The following RAC2 variants were observed in gnomAD, a reference collection of about 807,000 sequenced individuals.
RAC2 encodes the protein ras-related C3 botulinum toxin substrate 2.
RAC2 carries 1 observed loss-of-function variant against 24.0 expected under a neutral mutation model. The ratio of observed to expected loss-of-function variants is 0.04; its 90% CI spans 0.01 to 0.20. The LOEUF (loss-of-function observed/expected upper bound fraction) is 0.20. Ranked by LOEUF, RAC2 falls within the 10% of genes least tolerant of loss-of-function variation. The probability of loss-of-function intolerance (pLI) is 1.00; values close to 1 mark genes in which losing one functional copy is unlikely to be tolerated. For missense variants in RAC2, 130 were observed against 259.1 expected (o/e 0.50, Z 3.42); for synonymous variants, 114 against 106.8 (o/e 1.07, Z -0.41).
At chr22:37,238,611 C>T (rs186422084) in intron 2 of RAC2, among the ~76,000 whole-genome samples, 6 of 152,296 alleles carry the variant, frequency 3.9e-5, no homozygotes, top group South Asian at 2.1e-4. Flanking sequence ...TGTAAGGGGG[C>T]GCCCCTCTAT....
At chr22:37,228,732 C>T (rs1298546823) in intron 5 of RAC2, among the ~76,000 whole-genome samples, 3 of 152,226 alleles carry the variant, frequency 2.0e-5, no homozygotes, top group South Asian at 4.2e-4. Flanking sequence ...GGGGAGAAGT[C>T]GGGATGGCAG....
chr22:37,233,642 C>T (rs1034276020), intron 2 of RAC2, among the ~76,000 whole-genome samples: 3 of 152,146 alleles, frequency 2.0e-5, no homozygotes, highest in Admixed American at 6.5e-5. Flanking sequence ...CAGAAGCAAA[C>T]CCTGAGACAA....
intron 5 of RAC2, among the ~76,000 whole-genome samples, chr22:37,229,736 A>G (rs1411990172): frequency 1.3e-5 from 2 of 152,238 alleles, no homozygotes; most frequent in Non-Finnish European, 2.9e-5. Flanking sequence ...CTAGAGGCCA[A>G]GGCAAGAACT....
In RAC2 at chr22:37,225,396, C is replaced by T. The variant is rs1424470917; in HGVS notation, c.*646G>A. The stretch of plus-strand genomic sequence containing the variant: ...TCACAGGTAAGTGCAGCTCAGGATC[C>T]TGTGAGTGCAGCAGAAAGTCTTAAG... On this transcript the variant is annotated 3_prime_UTR_variant, in exon 7 of 7. Coordinates refer to ENST00000249071, the MANE Select transcript of RAC2 (RefSeq NM_002872.5). The T allele has an allele frequency of 6.6e-6, 1 of 152,214 alleles. No homozygotes were observed. The highest frequency in any genetic ancestry group is 1.5e-5 in the Non-Finnish European group (1 of 68,050). The allele number at this position is 152,214 out of a possible 1,614,324, so 9.4% of individuals were successfully genotyped here. A position where few individuals can be genotyped will look rare whatever the true frequency, so the allele number is the denominator to read the frequency against.
intron 5 of RAC2, among the ~76,000 whole-genome samples, chr22:37,227,514 TACACCCCTCCCAC>T (rs1926910284): frequency 4.7e-5 from 2 of 42,284 alleles, no homozygotes; most frequent in East Asian, 9.5e-4. Flanking sequence ...TCCCATGCCA[TACACCCCTCCCAC>T]GCCATACACC....
At chr22:37,227,519 C>G (rs1601669231) in intron 5 of RAC2, among the ~76,000 whole-genome samples, 23 of 84,998 alleles carry the variant, frequency 2.7e-4, no homozygotes, top group African/African-American at 4.3e-4. Context: ...TGCCATACAC[C>G]CCTCCCACGC....
intron 2 of RAC2, among the ~76,000 whole-genome samples, chr22:37,240,111 C>T (rs1206276557): frequency 9.9e-5 from 15 of 152,096 alleles, no homozygotes; most frequent in African/African-American, 2.4e-5. Flanking sequence ...CAGAGTGTCC[C>T]GGGGAGAGAC....
At chr22:37,239,991 G>A (rs1235068561) in intron 2 of RAC2, among the ~76,000 whole-genome samples, 2 of 152,190 alleles carry the variant, frequency 1.3e-5, no homozygotes, top group African/African-American at 4.8e-5. Flanking sequence ...CCAGCATCAG[G>A]ACCGAGCTGG....
At chr22:37,234,754 GC>G (rs1394653995) in intron 2 of RAC2, among the ~76,000 whole-genome samples, 11 of 152,098 alleles carry the variant, frequency 7.2e-5, no homozygotes, top group Non-Finnish European at 1.5e-4. Flanking sequence ...CTGGTCTCTG[GC>G]CCCCACACCC....
Position 37,232,091 on chromosome 22 carries a change from G to A in RAC2, c.226-97C>T, listed in dbSNP as rs1927083908. 3.2e-6 allele frequency: 4 copies of A among 1,256,130 alleles called. No individual in the cohort carries two copies. The East Asian group carries it at 1.0e-4, about 32-fold the overall frequency. The allele number at this position is 1,256,130 out of a possible 1,614,324, so 77.8% of individuals were successfully genotyped here. A position where few individuals can be genotyped will look rare whatever the true frequency, so the allele number is the denominator to read the frequency against. On this transcript the variant is annotated intron_variant, in intron 3 of 6. Transcript: ENST00000249071. ...GTGGAGCTTGGGGCTCCCTGAGGGTGGAACACCCCAGGGAATGCTGGGGAC... is the reference window on the plus strand; with the variant it reads ...GTGGAGCTTGGGGCTCCCTGAGGGTAGAACACCCCAGGGAATGCTGGGGAC...
At chr22:37,230,235 C>T (rs1927016521) in intron 5 of RAC2, among the ~76,000 whole-genome samples, 1 of 151,270 alleles carries the variant, frequency 6.6e-6, no homozygotes, top group Non-Finnish European at 1.5e-5. Flanking sequence ...GATGTGAGTC[C>T]CCAGGGCCCT....
rs761129081 is a variant in RAC2 at position 37,242,923 on chromosome 22, AG to A, written c.35+1190del. On this transcript the variant is annotated intron_variant, in intron 1 of 6. Transcript: ENST00000249071. ...CCCCCTTCCAGCTAGAACATGCTCCAGGGTGAGCCTGTAGGCTGGACCCTAA... is the reference window on the plus strand; with the variant it reads ...CCCCCTTCCAGCTAGAACATGCTCCAGGTGAGCCTGTAGGCTGGACCCTAA... Among the ~76,000 whole-genome samples the A allele has an allele frequency of 1.6e-4, 24 of 152,358 alleles. No homozygotes were observed. In the East Asian group the frequency reaches 4.4e-3, roughly 28 times the overall value.
chr22:37,232,503 C>T, intron 3 of RAC2: 1 of 484,728 alleles, frequency 2.1e-6, no homozygotes, highest in Non-Finnish European at 3.8e-6. Flanking sequence ...GCTGGGCTGC[C>T]TCCTGGGGCC....
chr22:37,238,758 T>C (rs1010171214), intron 2 of RAC2, among the ~76,000 whole-genome samples: 6 of 152,198 alleles, frequency 3.9e-5, no homozygotes, highest in Non-Finnish European at 8.8e-5. Flanking sequence ...CACAGGGCCC[T>C]GCCGGCTCCA....
chr22:37,227,454 G>C (rs373515702), intron 5 of RAC2, among the ~76,000 whole-genome samples: 6 of 2,112 alleles, frequency 2.8e-3, no homozygotes, highest in African/African-American at 9.0e-3. Context: ...TGCCATACAA[G>C]CCCTCCCACG....
chr22:37,227,931 T>A (rs1424701998), intron 5 of RAC2, among the ~76,000 whole-genome samples: 1 of 152,116 alleles, frequency 6.6e-6, no homozygotes. Flanking sequence ...AGGGCGGGAA[T>A]TTTGATGCTT....
intron 5 of RAC2, among the ~76,000 whole-genome samples, chr22:37,228,545 C>T (rs1168521904): frequency 1.3e-5 from 2 of 152,220 alleles, no homozygotes; most frequent in Non-Finnish European, 2.9e-5. Context: ...CTGGGCCCTC[C>T]GCCAAAGCCC....
In RAC2 at chr22:37,231,904, C is replaced by T. The variant is rs1299300035; in HGVS notation, c.288+28G>A. 5.2e-6 allele frequency: 8 copies of T among 1,550,704 alleles called. No individual in the cohort carries two copies. Among genetic ancestry groups the T allele is most frequent in the South Asian group, 1.2e-5 (1 of 84,034 alleles). On this transcript the variant is annotated intron_variant, in intron 4 of 6. Transcript: ENST00000249071. The surrounding 1 kb of genome is among the most constrained non-coding windows in gnomAD (Gnocchi z 5.5). Reference sequence around the variant, plus strand: ...TCCCTCAGGGTTACCTGCCCCAGAGCCCCCAAGGCCCACCCTGTCCAGCTC... The same window carrying T: ...TCCCTCAGGGTTACCTGCCCCAGAGTCCCCAAGGCCCACCCTGTCCAGCTC...
chr22:37,233,761 T>A (rs2145825692), intron 2 of RAC2, among the ~76,000 whole-genome samples: 1 of 152,016 alleles, frequency 6.6e-6, no homozygotes, highest in East Asian at 1.9e-4. Context: ...GGTGGTTGAG[T>A]TGTCATGGCT....
Sources: allele counts gnomAD v4.1 joint callset (sites outside exome capture counted in the v4.1 genomes callset), GRCh38; gene constraint gnomAD v4.1.1; non-coding constraint Gnocchi (gnomAD v3.1); transcripts MANE v1.5; gene names NCBI Gene and HGNC (gene_info 2026-07-23, HGNC 2026-07-21).